WDR7: variants seen among roughly 807,000 people sequenced by gnomAD.
WDR7 encodes WD repeat domain 7, also known as WD repeat-containing protein 7.
Under a neutral mutation model 169.4 loss-of-function variants are expected in WDR7, and 46 were observed. The ratio of observed to expected loss-of-function variants is 0.27; its 90% CI spans 0.21 to 0.35. WDR7 has a LOEUF of 0.35. WDR7 is among the 10% of genes least tolerant of loss of function. The pLI is 1.00. For missense variants in WDR7, 1,534 were observed against 1,859.3 expected, an observed-to-expected ratio of 0.83 and a Z score of 3.22; for synonymous variants, 612 against 666.8, an observed-to-expected ratio of 0.92 and a Z score of 1.27.
intron 26 of WDR7, among the ~76,000 whole-genome samples, chr18:56,991,842 G>A (rs1037785202): frequency 6.6e-6 from 1 of 152,324 alleles, no homozygotes; most frequent in African/African-American, 2.4e-5. Flanking sequence ...GAGATGATCT[G>A]TATCTGTCAG....
intron 25 of WDR7, among the ~76,000 whole-genome samples, chr18:56,957,796 G>T (rs1336182137): frequency 1.3e-5 from 2 of 152,062 alleles, no homozygotes; most frequent in Non-Finnish European, 2.9e-5. Flanking sequence ...TGTGAAGCTG[G>T]AGGTTAATCT....
intron 2 of WDR7, among the ~76,000 whole-genome samples, chr18:56,678,926 C>T (rs1396312030): frequency 6.6e-6 from 1 of 152,208 alleles, no homozygotes. Flanking sequence ...AATGGAGTCT[C>T]TCTCTCTGTC....
chr18:56,973,773 G>A (rs77610518), intron 26 of WDR7, among the ~76,000 whole-genome samples: 2,463 of 152,248 alleles, frequency 0.016, 30 homozygotes, highest in Non-Finnish European at 0.027. Context: ...TCAAGATTTG[G>A]TAGGTCCTGT....
intron 20 of WDR7, among the ~76,000 whole-genome samples, chr18:56,861,101 C>T (rs549031887): frequency 6.6e-4 from 94 of 142,100 alleles, no homozygotes; most frequent in African/African-American, 2.2e-3. Context: ...ACATCAATTA[C>T]GTGAAACAGC....
intron 3 of WDR7, 31 bp from the exon 4 acceptor site, chr18:56,681,282 A>T: frequency 2.7e-6 from 4 of 1,456,464 alleles, no homozygotes; most frequent in Non-Finnish European, 3.8e-6. Context: ...AAAAAGTCAC[A>T]CTCAAAGCTG....
intron 16 of WDR7, among the ~76,000 whole-genome samples, chr18:56,769,391 G>T (rs1460520401): frequency 2.0e-5 from 3 of 152,072 alleles, no homozygotes; most frequent in African/African-American, 7.2e-5. Flanking sequence ...TAGAAATGGA[G>T]TTTCACCATA....
At chr18:56,687,695 T>C (rs979626152) in intron 7 of WDR7, among the ~76,000 whole-genome samples, 5 of 152,172 alleles carry the variant, frequency 3.3e-5, no homozygotes, top group Non-Finnish European at 7.4e-5. Context: ...GGCACAATCA[T>C]AGTTCACTAC....
chr18:56,789,288 T>G (rs1176238719), intron 19 of WDR7, among the ~76,000 whole-genome samples: 1 of 152,248 alleles, frequency 6.6e-6, no homozygotes, highest in African/African-American at 2.4e-5. Context: ...AGTGGCAAAT[T>G]AAAAATGAAA....
chr18:56,858,359 C>A (rs2045753706), intron 20 of WDR7, among the ~76,000 whole-genome samples: 1 of 152,146 alleles, frequency 6.6e-6, no homozygotes. Context: ...CTAATAATCA[C>A]CATATAATTC....
rs181403971 is a variant in WDR7, at chr18:56,944,681, A to G, written c.4064+5288A>G. ...AAACTTCCGATGTCATCTGTTTGAAAACAGAAATGGTTTAGAGCGCATACC... is the reference window on the plus strand; with the variant it reads ...AAACTTCCGATGTCATCTGTTTGAAGACAGAAATGGTTTAGAGCGCATACC... On this transcript the variant is annotated intron_variant, in intron 25 of 27. Transcript: ENST00000254442. Among the ~76,000 whole-genome samples the G allele has an allele frequency of 4.1e-3, 619 of 152,308 alleles. 3 individuals are homozygous for G. Among genetic ancestry groups the G allele is most frequent in the African/African-American group, 0.013 (543 of 41,568 alleles).
intron 21 of WDR7, among the ~76,000 whole-genome samples, chr18:56,903,252 A>G (rs2046428038): frequency 6.6e-6 from 1 of 152,142 alleles, no homozygotes; most frequent in African/African-American, 2.4e-5. Context: ...AGGTCTTTTA[A>G]TTCCATGAAT....
chr18:57,018,658 T>A (rs2048243165), intron 26 of WDR7, among the ~76,000 whole-genome samples: 2 of 152,218 alleles, frequency 1.3e-5, no homozygotes, highest in Admixed American at 1.3e-4. Flanking sequence ...TTTTTGCACT[T>A]TTGCAGGCCA....
intron 1 of WDR7, among the ~76,000 whole-genome samples, chr18:56,662,600 A>G (rs762809386): frequency 6.6e-6 from 1 of 152,210 alleles, no homozygotes; most frequent in African/African-American, 2.4e-5. Flanking sequence ...GTACATCAAC[A>G]TCTATCGAGT....
At chr18:56,698,194 TA>T (rs939353955) in intron 12 of WDR7, among the ~76,000 whole-genome samples, 66 of 145,010 alleles carry the variant, frequency 4.6e-4, no homozygotes, top group South Asian at 8.8e-4. Context: ...AAACGCTGTT[TA>T]AAAAAAAAAA....
intron 21 of WDR7, among the ~76,000 whole-genome samples, chr18:56,907,696 G>A (rs2046498343): frequency 6.6e-6 from 1 of 152,148 alleles, no homozygotes; most frequent in African/African-American, 2.4e-5. Context: ...GGAAGTCCAA[G>A]GTAAAGACTC....
chr18:56,701,213 G>A (rs1014311993), intron 12 of WDR7, among the ~76,000 whole-genome samples: 2 of 152,172 alleles, frequency 1.3e-5, no homozygotes, highest in Non-Finnish European at 2.9e-5. Flanking sequence ...GCGTATTATA[G>A]GTACCCAGAG....
At chr18:56,651,877 G>C (rs1248400056) in intron 1 of WDR7, 1 of 152,360 alleles carries the variant, frequency 6.6e-6, no homozygotes, top group Non-Finnish European at 1.5e-5. Context: ...AATCTAAACG[G>C]GATCAGGTGA....
At chr18:56,660,393 C>T (rs2024878925) in intron 1 of WDR7, among the ~76,000 whole-genome samples, 1 of 152,142 alleles carries the variant, frequency 6.6e-6, no homozygotes, top group Admixed American at 6.6e-5. Flanking sequence ...AAACATGACA[C>T]TCCAAAGAAA....
At chr18:56,874,689 T>C (rs1262387913) in intron 20 of WDR7, among the ~76,000 whole-genome samples, 1 of 152,130 alleles carries the variant, frequency 6.6e-6, no homozygotes, top group African/African-American at 2.4e-5. Flanking sequence ...AAGATAAATC[T>C]ATTATCTGTG....
Sources: gnomAD v4.1 joint callset for allele counts (sites outside exome capture counted in the v4.1 genomes callset) on GRCh38, gnomAD v4.1.1 for gene constraint, MANE v1.5 for transcripts, NCBI Gene and HGNC (gene_info 2026-07-23, HGNC 2026-07-21) for gene names.